Variants in GALNTL6 observed in about 807,000 individuals in gnomAD.
GALNTL6 encodes polypeptide N-acetylgalactosaminyltransferase-like 6.
A neutral mutation model predicts 73.7 loss-of-function variants in GALNTL6; 46 were observed. That is an observed-to-expected ratio of 0.62 (90% CI 0.49 to 0.80). The LOEUF (loss-of-function observed/expected upper bound fraction) is 0.80. Among genes scored for constraint, GALNTL6 ranks in the 30% least tolerant of loss-of-function variants. GALNTL6 has a pLI of 0.00. For synonymous variants in GALNTL6, 259 were observed against 263.7 expected (o/e 0.98, Z 0.17); for missense variants, 604 against 755.0 (o/e 0.80, Z 2.34).
At chr4:172,156,559 A>ATATATATATATG (rs1734292859) in intron 2 of GALNTL6, among the ~76,000 whole-genome samples, 2 of 96,092 alleles carry the variant, frequency 2.1e-5, no homozygotes, top group Admixed American at 1.0e-4. Flanking sequence ...ATATATATAT[A>ATATATATATATG]TATATATACA....
rs1265476309 is a variant in GALNTL6, at chr4:172,507,909, T to C, written c.553+159220T>C. Among the ~76,000 whole-genome samples the C allele has an allele frequency of 3.6e-5, 2 of 55,018 alleles. 1 individual carries two copies. Among genetic ancestry groups the C allele is most frequent in the African/African-American group, 9.1e-5 (2 of 22,038 alleles). 36.1% of individuals were successfully genotyped at this position (55,018 alleles called of 152,430 possible). On this transcript the variant is annotated intron_variant, in intron 5 of 12. Coordinates refer to ENST00000506823, the MANE Select transcript of GALNTL6 (RefSeq NM_001034845.3). Reference sequence around the variant, plus strand: ...GCAAAACTATAAATAAGGAAGCAATTACTGAGATACCATTACTGAGATACT... The same window carrying C: ...GCAAAACTATAAATAAGGAAGCAATCACTGAGATACCATTACTGAGATACT...
intron 5 of GALNTL6, among the ~76,000 whole-genome samples, chr4:172,379,017 A>C (rs886947316): frequency 9.9e-5 from 15 of 152,184 alleles, no homozygotes; most frequent in African/African-American, 3.4e-4. Context: ...AACAAAAAAC[A>C]TTTTACTAAA....
intron 5 of GALNTL6, among the ~76,000 whole-genome samples, chr4:172,547,269 G>T (rs1229496951): frequency 6.6e-6 from 1 of 152,024 alleles, no homozygotes; most frequent in African/African-American, 2.4e-5. Flanking sequence ...TGGAAACTCT[G>T]ATTCCATACC....
chr4:172,906,184 T>C (rs570093292), intron 8 of GALNTL6, among the ~76,000 whole-genome samples: 2 of 151,868 alleles, frequency 1.3e-5, no homozygotes, highest in African/African-American at 4.8e-5. Flanking sequence ...TAATAAGAGA[T>C]ATAGATAGAT....
intron 2 of GALNTL6, among the ~76,000 whole-genome samples, chr4:172,175,186 C>T (rs941334557): frequency 1.3e-5 from 2 of 151,798 alleles, no homozygotes; most frequent in Non-Finnish European, 2.9e-5. Context: ...AAGTGATTCT[C>T]CTGCCTCAGC....
At chr4:172,305,598 G>A (rs1311021113) in intron 3 of GALNTL6, among the ~76,000 whole-genome samples, 1 of 149,874 alleles carries the variant, frequency 6.7e-6, no homozygotes. Context: ...TTTTTTTTTT[G>A]TTTAGAGTCT....
At chr4:172,401,712 T>C (rs1289901314) in intron 5 of GALNTL6, among the ~76,000 whole-genome samples, 1 of 152,174 alleles carries the variant, frequency 6.6e-6, no homozygotes, top group African/African-American at 2.4e-5. Flanking sequence ...GAAAGTTGTA[T>C]CATCACATTT....
At chr4:172,361,703 A>G (rs1002306750) in intron 5 of GALNTL6, among the ~76,000 whole-genome samples, 2 of 152,148 alleles carry the variant, frequency 1.3e-5, no homozygotes, top group African/African-American at 4.8e-5. Context: ...AAATGGGGGC[A>G]CATTGGTTGA....
intron 5 of GALNTL6, among the ~76,000 whole-genome samples, chr4:172,625,973 G>A (rs1362588451): frequency 1.3e-5 from 2 of 151,988 alleles, no homozygotes; most frequent in Non-Finnish European, 2.9e-5. Flanking sequence ...TAGGTTGTCT[G>A]TTTACTCTGT....
At chr4:172,112,770 G>T (rs1732888261) in intron 2 of GALNTL6, among the ~76,000 whole-genome samples, 1 of 151,868 alleles carries the variant, frequency 6.6e-6, no homozygotes, top group Admixed American at 6.6e-5. Flanking sequence ...TTCTGAGGCT[G>T]GAGCCTTTAT....
At chr4:172,479,160 T>C (rs555812224) in intron 5 of GALNTL6, among the ~76,000 whole-genome samples, 8 of 152,268 alleles carry the variant, frequency 5.3e-5, no homozygotes, top group Non-Finnish European at 7.4e-5. Context: ...ATCCCACTAC[T>C]AAGTATCTAC....
intron 5 of GALNTL6, among the ~76,000 whole-genome samples, chr4:172,379,403 G>A (rs1322186804): frequency 6.6e-5 from 10 of 151,832 alleles, no homozygotes; most frequent in East Asian, 1.9e-4. Context: ...GGTGGCGGGC[G>A]CCTGTAGTCC....
intron 3 of GALNTL6, among the ~76,000 whole-genome samples, chr4:172,292,015 G>C (rs539580294): frequency 1.3e-5 from 2 of 152,150 alleles, no homozygotes; most frequent in Admixed American, 6.6e-5. Context: ...CAAATTATCT[G>C]TTCAAGTTCA....
chr4:172,735,438 A>G (rs770749855), intron 5 of GALNTL6, among the ~76,000 whole-genome samples: 1 of 152,024 alleles, frequency 6.6e-6, no homozygotes. Flanking sequence ...CCCATTGCCT[A>G]TACCCCCATT....
chr4:172,704,591 G>A (rs11726391), intron 5 of GALNTL6, among the ~76,000 whole-genome samples: 4 of 151,664 alleles, frequency 2.6e-5, no homozygotes, highest in Non-Finnish European at 5.9e-5. Context: ...CAAATTTTTT[G>A]ATTTATTTTT....
intron 2 of GALNTL6, among the ~76,000 whole-genome samples, chr4:171,977,711 G>T (rs1739763182): frequency 6.6e-6 from 1 of 152,120 alleles, no homozygotes; most frequent in African/African-American, 2.4e-5. Flanking sequence ...CAGGTAGAAA[G>T]TTACAATTCC....
intron 5 of GALNTL6, among the ~76,000 whole-genome samples, chr4:172,528,516 C>T (rs190127581): frequency 6.6e-6 from 1 of 151,146 alleles, no homozygotes; most frequent in Non-Finnish European, 1.5e-5. Flanking sequence ...TGCCACCACG[C>T]CCGGCTAATT....
At chr4:171,986,980 G>A (rs1040307662) in intron 2 of GALNTL6, among the ~76,000 whole-genome samples, 2 of 152,198 alleles carry the variant, frequency 1.3e-5, no homozygotes, top group Non-Finnish European at 2.9e-5. Flanking sequence ...GCATGTATGA[G>A]TAGTTGAGAA....
chr4:172,715,088 T>C (rs568690560), intron 5 of GALNTL6, among the ~76,000 whole-genome samples: 2 of 152,022 alleles, frequency 1.3e-5, no homozygotes, highest in South Asian at 2.1e-4. Context: ...GAATATCTAA[T>C]GATTTCAACA....
Sources: gnomAD v4.1 joint callset for allele counts (sites outside exome capture counted in the v4.1 genomes callset) on GRCh38, gnomAD v4.1.1 for gene constraint, MANE v1.5 for transcripts, NCBI Gene and HGNC (gene_info 2026-07-23, HGNC 2026-07-21) for gene names.